TANC2: variants seen among roughly 807,000 people sequenced by gnomAD.
TANC2 encodes tetratricopeptide repeat, ankyrin repeat and coiled-coil containing 2, also known as protein TANC2.
In TANC2, 26 loss-of-function variants were observed where a neutral mutation model predicts 210.5. That is an observed-to-expected ratio of 0.12 (90% CI 0.09 to 0.17). The LOEUF is 0.17. Among genes scored for constraint, TANC2 ranks in the 10% least tolerant of loss-of-function variants. TANC2 has a pLI of 1.00. For missense variants in TANC2, 2,129 were observed against 2,608.9 expected (o/e 0.82, Z 4.01); for synonymous variants, 931 against 967.1 (o/e 0.96, Z 0.69).
chr17:63,065,048 C>G (rs1310932271), intron 2 of TANC2, among the ~76,000 whole-genome samples: 6 of 152,170 alleles, frequency 3.9e-5, no homozygotes, highest in Non-Finnish European at 8.8e-5. Context: ...TCTCCCTGCA[C>G]ACCCCTGCTC....
At chr17:63,198,517 T>C (rs2041421904) in intron 6 of TANC2, among the ~76,000 whole-genome samples, 1 of 152,096 alleles carries the variant, frequency 6.6e-6, no homozygotes, top group Non-Finnish European at 1.5e-5. Flanking sequence ...CAATATGGAA[T>C]GACTATAGCT....
At chr17:63,125,860 G>A (rs1393580080) in intron 4 of TANC2, among the ~76,000 whole-genome samples, 1 of 152,154 alleles carries the variant, frequency 6.6e-6, no homozygotes, top group Non-Finnish European at 1.5e-5. Flanking sequence ...ACAAATTTAA[G>A]TTTTAAATTA....
intron 18 of TANC2, among the ~76,000 whole-genome samples, chr17:63,398,024 TG>T (rs1387718886): frequency 7.9e-5 from 12 of 152,240 alleles, no homozygotes; most frequent in African/African-American, 2.9e-4. Context: ...TTTTGAACCG[TG>T]TTCAGTCAAA....
chr17:63,144,856 C>A (rs182295451), intron 4 of TANC2, among the ~76,000 whole-genome samples: 51 of 152,068 alleles, frequency 3.4e-4, no homozygotes, highest in African/African-American at 1.2e-3. Context: ...TTTTCATTTT[C>A]TTTTTCTGCA....
intron 4 of TANC2, among the ~76,000 whole-genome samples, chr17:63,101,840 CAA>C (rs2037634594): frequency 6.6e-6 from 1 of 152,066 alleles, no homozygotes; most frequent in African/African-American, 2.4e-5. Flanking sequence ...GCTGAGTTTT[CAA>C]TTTAAGAAGG....
At chr17:63,338,245 C>G (rs1211603686) in intron 11 of TANC2, among the ~76,000 whole-genome samples, 1 of 152,190 alleles carries the variant, frequency 6.6e-6, no homozygotes, top group Non-Finnish European at 1.5e-5. Context: ...AGTGTATAAG[C>G]ATTCCTTTTT....
intron 15 of TANC2, 30 bp from the exon 16 acceptor site, chr17:63,388,605 C>T: frequency 1.3e-6 from 2 of 1,578,796 alleles, no homozygotes; most frequent in Non-Finnish European, 1.7e-6. Context: ...TGCTGGGCTA[C>T]TAATTTAATT....
intron 7 of TANC2, 119 bp downstream of exon 7, chr17:63,201,076 T>C: frequency 4.7e-6 from 4 of 843,908 alleles, no homozygotes; most frequent in Non-Finnish European, 7.0e-6. Context: ...ATATAAAACT[T>C]TCCTGGTCTT....
chr17:63,413,590 A>G, exon 25 of TANC2: 1 of 1,602,804 alleles, frequency 6.2e-7, no homozygotes, highest in South Asian at 1.1e-5. Context: ...CATCATGATC[A>G]TCCTGTTGAG....
At chr17:63,092,275 T>G (rs985593280) in intron 3 of TANC2, among the ~76,000 whole-genome samples, 58 of 152,234 alleles carry the variant, frequency 3.8e-4, no homozygotes, top group African/African-American at 1.3e-3. Flanking sequence ...TATGGTAGGT[T>G]TACTTACAAA....
intron 2 of TANC2, among the ~76,000 whole-genome samples, chr17:63,040,223 T>C (rs1048697373): frequency 3.3e-5 from 5 of 152,310 alleles, no homozygotes; most frequent in African/African-American, 1.2e-4. Flanking sequence ...GCAAAATGTT[T>C]GTAAGAACGG....
chr17:63,206,167 T>G (rs902086575), intron 7 of TANC2, among the ~76,000 whole-genome samples: 2 of 152,128 alleles, frequency 1.3e-5, no homozygotes, highest in African/African-American at 2.4e-5. Context: ...TTATACCCAT[T>G]AGGATGACAA....
chr17:63,026,362 T>G (rs538919220), intron 2 of TANC2, among the ~76,000 whole-genome samples: 1 of 152,288 alleles, frequency 6.6e-6, no homozygotes, highest in East Asian at 1.9e-4. Context: ...ATGAAAACAT[T>G]CTTTATGACA....
chr17:63,156,526 A>G (rs1421110377), intron 5 of TANC2, among the ~76,000 whole-genome samples: 2 of 152,156 alleles, frequency 1.3e-5, no homozygotes, highest in East Asian at 3.8e-4. Flanking sequence ...TAATAGAACT[A>G]TGGGATTGGC....
At chr17:63,197,079 T>C (rs987012592) in intron 6 of TANC2, among the ~76,000 whole-genome samples, 1 of 152,142 alleles carries the variant, frequency 6.6e-6, no homozygotes. Context: ...AAATGTCATA[T>C]AAATAAAAAG....
At chr17:63,112,545 T>G (rs2038091487) in intron 4 of TANC2, among the ~76,000 whole-genome samples, 2 of 152,174 alleles carry the variant, frequency 1.3e-5, no homozygotes. Context: ...AGGGTCACAC[T>G]GGTCAAGAAC....
At chr17:63,243,575 A>G (rs1305990272) in intron 8 of TANC2, among the ~76,000 whole-genome samples, 1 of 152,234 alleles carries the variant, frequency 6.6e-6, no homozygotes, top group African/African-American at 2.4e-5. Context: ...AAGAAGACTC[A>G]AAAGAGTGCC....
intron 5 of TANC2, among the ~76,000 whole-genome samples, chr17:63,170,636 A>G (rs1043438287): frequency 1.3e-5 from 2 of 152,188 alleles, no homozygotes; most frequent in Admixed American, 6.5e-5. Context: ...GAAGCTAGAC[A>G]GGAGTAGACT....
intron 2 of TANC2, among the ~76,000 whole-genome samples, chr17:63,049,210 G>A (rs959642853): frequency 2.0e-5 from 3 of 152,072 alleles, no homozygotes; most frequent in African/African-American, 7.2e-5. Context: ...GGCTAATAAA[G>A]CATTGAATAT....
Sources: gnomAD v4.1 joint callset for allele counts (sites outside exome capture counted in the v4.1 genomes callset) on GRCh38, gnomAD v4.1.1 for gene constraint, MANE v1.5 for transcripts, NCBI Gene and HGNC (gene_info 2026-07-23, HGNC 2026-07-21) for gene names.